Variants in ITPRID1 observed in about 807,000 individuals in gnomAD.
The protein encoded by ITPRID1 is ITPR interacting domain containing 1.
Under a neutral mutation model 95.4 loss-of-function variants are expected in ITPRID1, and 96 were observed. The observed-to-expected ratio is 1.01, with a 90% confidence interval of 0.85 to 1.19. The LOEUF is 1.19. Among genes scored for constraint, ITPRID1 ranks in the 50% most tolerant of loss-of-function variants. The pLI, the probability that ITPRID1 is intolerant of heterozygous loss-of-function variation, is 0.00. For synonymous variants in ITPRID1, 510 were observed against 453.6 expected (o/e 1.12, Z -1.58); for missense variants, 1,339 against 1,252.9 (o/e 1.07, Z -1.04).
At chr7:31,583,724 T>G (rs757564955) in intron 10 of ITPRID1, among the ~76,000 whole-genome samples, 2 of 152,172 alleles carry the variant, frequency 1.3e-5, no homozygotes, top group African/African-American at 4.8e-5. Flanking sequence ...CTGGGGCTAA[T>G]GGTGTGTGTG....
chr7:31,596,714 T>C (rs1041481360), intron 10 of ITPRID1, among the ~76,000 whole-genome samples: 3 of 151,490 alleles, frequency 2.0e-5, no homozygotes, highest in Non-Finnish European at 4.4e-5. Context: ...TTATTAAATG[T>C]AAAAACACCC....
At chr7:31,560,253 A>C (rs1362323421) in intron 5 of ITPRID1, among the ~76,000 whole-genome samples, 1 of 152,182 alleles carries the variant, frequency 6.6e-6, no homozygotes, top group Non-Finnish European at 1.5e-5. Context: ...TAAGTGAGCA[A>C]AGATGAGAGT....
chr7:31,617,401 A>G (rs2128170485), intron 10 of ITPRID1, among the ~76,000 whole-genome samples: 1 of 152,344 alleles, frequency 6.6e-6, no homozygotes, highest in Non-Finnish European at 1.5e-5. Context: ...TTTCTGAGGT[A>G]GGCAAGAGAG....
intron 1 of ITPRID1, among the ~76,000 whole-genome samples, chr7:31,522,360 C>T (rs920540956): frequency 6.6e-5 from 10 of 152,214 alleles, no homozygotes; most frequent in Non-Finnish European, 1.5e-4. Context: ...GTGAAGGTCA[C>T]ATTCACTGCC....
At chr7:31,525,609 T>C (rs929491853) in intron 1 of ITPRID1, among the ~76,000 whole-genome samples, 1 of 152,146 alleles carries the variant, frequency 6.6e-6, no homozygotes, top group Non-Finnish European at 1.5e-5. Context: ...ATAGAAAGAT[T>C]GAATTGACCT....
intron 10 of ITPRID1, among the ~76,000 whole-genome samples, chr7:31,637,675 A>T (rs1789621492): frequency 6.6e-6 from 1 of 152,076 alleles, no homozygotes; most frequent in Non-Finnish European, 1.5e-5. Context: ...ATTTTCTCCC[A>T]TTCTGTAGGT....
At chr7:31,574,909 T>C (rs568470686) in intron 8 of ITPRID1, among the ~76,000 whole-genome samples, 167 bp downstream of exon 8, 16 of 152,162 alleles carry the variant, frequency 1.1e-4, no homozygotes, top group African/African-American at 3.9e-4. Flanking sequence ...CCAGTGGGAG[T>C]TGGTGTGTAT....
intron 1 of ITPRID1, among the ~76,000 whole-genome samples, chr7:31,531,872 G>GT (rs34066042): frequency 6.6e-6 from 1 of 151,916 alleles, no homozygotes; most frequent in Non-Finnish European, 1.5e-5. Context: ...GGTGTGTTAG[G>GT]TTTTTGGGTC....
At position 31,639,166 on chromosome 7, in the gene ITPRID1, T is replaced by G. The variant is rs548816481; in HGVS notation, c.1229-3010T>G. Among the ~76,000 whole-genome samples the G allele has an allele frequency of 3.3e-5, 5 of 152,350 alleles. No individual in the cohort carries two copies. The East Asian group carries it at 9.6e-4, about 29-fold the overall frequency. On this transcript the variant is annotated intron_variant, in intron 10 of 14. Transcript: ENST00000615280. Reference sequence around the variant, plus strand: ...GGACTTTGTGAAACAAACTTTTCTTTGAAACATTTCTTCAAAAGCTTTCCC... The same window carrying G: ...GGACTTTGTGAAACAAACTTTTCTTGGAAACATTTCTTCAAAAGCTTTCCC...
At chr7:31,523,045 G>C (rs764519267) in intron 1 of ITPRID1, among the ~76,000 whole-genome samples, 3 of 152,030 alleles carry the variant, frequency 2.0e-5, no homozygotes, top group Non-Finnish European at 4.4e-5. Flanking sequence ...TGATTCATAG[G>C]GCTAATGTAA....
chr7:31,558,679 A>T (rs1353891589), intron 5 of ITPRID1, among the ~76,000 whole-genome samples: 1 of 152,170 alleles, frequency 6.6e-6, no homozygotes, highest in African/African-American at 2.4e-5. Flanking sequence ...CACCTCAGAA[A>T]GAGGTATTTT....
intron 10 of ITPRID1, among the ~76,000 whole-genome samples, chr7:31,617,375 T>C (rs1027609884): frequency 1.3e-5 from 2 of 152,218 alleles, no homozygotes; most frequent in Non-Finnish European, 2.9e-5. Context: ...ATCATACCTC[T>C]ATGTAGTATT....
rs1402532148 is a variant in ITPRID1 at position 31,639,447 on chromosome 7, A to G, written c.1229-2729A>G. The stretch of plus-strand genomic sequence containing the variant: ...GACATTCAATTTGGGTTTTTTTTAA[A>G]TATCTTGCATATATCCACTTAACAT... On this transcript the variant is annotated intron_variant, in intron 10 of 14. Transcript: ENST00000615280. Among the ~76,000 whole-genome samples the G allele has an allele frequency of 2.7e-5, 4 of 150,842 alleles. 1 individual carries two copies. Among genetic ancestry groups the G allele is most frequent in the African/African-American group, 9.8e-5 (4 of 41,020 alleles).
rs1381689103 is a variant in ITPRID1 at position 31,624,443 on chromosome 7, AACAGAG to A, written c.1229-17732_1229-17727del. On this transcript the variant is annotated intron_variant, in intron 10 of 14. Coordinates refer to ENST00000615280, the MANE Select transcript of ITPRID1 (RefSeq NM_001257967.3). ...ACAGAGATATAGATCAATGGAACAG[AACAGAG>A]CCCTCAGAAATAACGCCACATATCT... 2.2e-3 allele frequency among the ~76,000 whole-genome samples: 279 copies of A among 125,510 alleles called. 2 individuals are homozygous for A. Among genetic ancestry groups the A allele is most frequent in the Admixed American group, 4.0e-3 (45 of 11,178 alleles). The allele number at this position is 125,510 out of a possible 152,430, so 82.3% of individuals were successfully genotyped here.
chr7:31,577,863 G>C lies in ITPRID1; in HGVS notation c.599G>C (p.Gly200Ala). 6.3e-7 allele frequency: 1 copy of C among 1,584,260 alleles called. No homozygotes were observed. Among genetic ancestry groups the C allele is most frequent in the Non-Finnish European group, 8.6e-7 (1 of 1,165,754 alleles). ...RMDIENPNLY[G>A]RFRQLEILDH... ...CTTTCGTGTTTCTTGTGTTGTGCAG[G>C]TCGTTTCCGACAGCTGGAAATCCTG... Residue 200 changes from glycine to alanine, a missense_variant and splice_region_variant, in exon 9 of 15, where the codon GGT (glycine) becomes GCT (alanine). Transcript: ENST00000615280.
intron 12 of ITPRID1, among the ~76,000 whole-genome samples, chr7:31,649,020 A>G (rs1270444484): frequency 1.3e-5 from 2 of 152,224 alleles, no homozygotes; most frequent in Non-Finnish European, 2.9e-5. Flanking sequence ...TGCCAACATC[A>G]GTATCACTTC....
intron 1 of ITPRID1, among the ~76,000 whole-genome samples, chr7:31,524,153 T>G (rs984736727): frequency 6.6e-6 from 1 of 152,304 alleles, no homozygotes; most frequent in Non-Finnish European, 1.5e-5. Context: ...GTAGGTAAGA[T>G]GAGTCCACTC....
chr7:31,643,079 T>TA lies in ITPRID1; in HGVS notation c.1711dup (p.Thr571AsnfsTer14). ...TATGATCATCCTCTGGGGTTTATGG[T>TA]AACCCACGTCACAGAAATGCAGGAC... On this transcript the variant is annotated frameshift_variant, in exon 12 of 15. Coordinates refer to ENST00000615280, the MANE Select transcript of ITPRID1 (RefSeq NM_001257967.3). LOFTEE classifies it high-confidence loss of function. 1 of 1,614,000 alleles carries TA rather than the reference T, an allele frequency of 6.2e-7. No individual in the cohort carries two copies. The highest frequency in any genetic ancestry group is 8.5e-7 in the Non-Finnish European group (1 of 1,179,890).
intron 10 of ITPRID1, among the ~76,000 whole-genome samples, chr7:31,625,345 C>T (rs1300137822): frequency 1.3e-5 from 2 of 151,894 alleles, no homozygotes; most frequent in Non-Finnish European, 1.5e-5. Context: ...CGGCACTATT[C>T]ACAATAGCAA....
Sources: gnomAD v4.1 joint callset for allele counts (sites outside exome capture counted in the v4.1 genomes callset) on GRCh38, gnomAD v4.1.1 for gene constraint, MANE v1.5 for transcripts, NCBI Gene and HGNC (gene_info 2026-07-23, HGNC 2026-07-21) for gene names.